Variants in SLC36A1 observed in about 807,000 individuals in gnomAD.
SLC36A1 encodes the protein solute carrier family 36 member 1, also known as proton-coupled amino acid transporter 1.
SLC36A1 carries 30 observed loss-of-function variants against 47.5 expected under a neutral mutation model. That is an observed-to-expected ratio of 0.63 (90% CI 0.47 to 0.86). The LOEUF is 0.86. Among genes scored for constraint, SLC36A1 ranks in the 40% least tolerant of loss-of-function variants. SLC36A1 has a pLI of 0.00. For missense variants in SLC36A1, 517 were observed against 606.0 expected, an observed-to-expected ratio of 0.85 and a Z score of 1.54; for synonymous variants, 255 against 249.7, an observed-to-expected ratio of 1.02 and a Z score of -0.20.
intron 8 of SLC36A1, among the ~76,000 whole-genome samples, chr5:151,475,183 T>G (rs1757878687): frequency 6.6e-6 from 1 of 152,066 alleles, no homozygotes; most frequent in Non-Finnish European, 1.5e-5. Flanking sequence ...ACTTCAGCAG[T>G]GAGAAAGAGA....
the SLC36A1 span, chr5:151,507,598 C>T: frequency 6.3e-7 from 1 of 1,597,132 alleles, no homozygotes; most frequent in Non-Finnish European, 8.5e-7. Flanking sequence ...CAACCCCTCG[C>T]CTCCATTTCA....
chr5:151,537,211 G>A, the SLC36A1 span, among the ~76,000 whole-genome samples: 4 of 135,984 alleles, frequency 2.9e-5, no homozygotes, highest in Non-Finnish European at 4.9e-5. Context: ...AAGAAGAAGA[G>A]GAAGAAGAAG....
chr5:151,505,119 G>T, the SLC36A1 span: 649 of 251,128 alleles, frequency 2.6e-3, 2 homozygotes, highest in Middle Eastern at 0.02. Flanking sequence ...TCCTCTGTAC[G>T]GCCCGCGTAG....
At chr5:151,379,995 A>G in the SLC36A1 span, among the ~76,000 whole-genome samples, 5 of 152,058 alleles carry the variant, frequency 3.3e-5, no homozygotes, top group Non-Finnish European at 7.4e-5. Flanking sequence ...AATTAACTCA[A>G]AGCAAGGTGA....
chr5:151,403,063 G>C, the SLC36A1 span, among the ~76,000 whole-genome samples: 1 of 151,652 alleles, frequency 6.6e-6, no homozygotes, highest in African/African-American at 2.4e-5. Flanking sequence ...GGGTTAGTTT[G>C]TTTCTGTTTC....
chr5:151,464,524 T>G lies in SLC36A1; in HGVS notation c.245T>G (p.Ile82Ser), dbSNP rs1756048065. The stretch of plus-strand genomic sequence containing the variant: ...AATATCTGTCCCCAGATGGGTCCCA[T>G]CAGCCTGCTGATCATAGGCATCGTG... ...VKNAGIVMGP[I>S]SLLIIGIVAV... Residue 82 changes from isoleucine to serine, a missense_variant, in exon 4 of 11, where the codon ATC (isoleucine) becomes AGC (serine). By Grantham distance (142) the Ile-to-Ser change is moderately radical. Coordinates refer to ENST00000243389, the MANE Select transcript of SLC36A1 (RefSeq NM_078483.4). 6.2e-7 allele frequency: 1 copy of G among 1,613,858 alleles called. No homozygotes were observed. Among genetic ancestry groups the G allele is most frequent in the Non-Finnish European group, 8.5e-7 (1 of 1,180,018 alleles).
intron 10 of SLC36A1, among the ~76,000 whole-genome samples, chr5:151,483,454 T>C (rs1433925484): frequency 2.0e-5 from 3 of 149,960 alleles, no homozygotes; most frequent in Non-Finnish European, 2.9e-5. Context: ...TGCTGAGAAG[T>C]GTATAACTGC....
chr5:151,534,970 A>AATAT, the SLC36A1 span, among the ~76,000 whole-genome samples: 12,510 of 106,354 alleles, frequency 0.12, 1,402 homozygotes, highest in East Asian at 0.16. Flanking sequence ...CTTCTAGGAA[A>AATAT]ATATATATAT....
chr5:151,408,803 A>T, the SLC36A1 span, among the ~76,000 whole-genome samples: 1 of 152,100 alleles, frequency 6.6e-6, no homozygotes, highest in Non-Finnish European at 1.5e-5. Context: ...GAAAATAAAC[A>T]CCAATAAAAA....
At position 151,451,851 on chromosome 5, in the gene SLC36A1, A is replaced by G. The variant is rs137955052; in HGVS notation, c.-6+4038A>G. Among the ~76,000 whole-genome samples the G allele has an allele frequency of 3.4e-3, 510 of 152,200 alleles. 4 individuals are homozygous for G. The highest frequency in any genetic ancestry group is 0.012 in the African/African-American group (479 of 41,532). ...AGGCTCTGGGGCCAGCTTTGTTCGC[A>G]GGGAGATTTTAAGGAGGGTATATAA... is the stretch of plus-strand genomic sequence containing the variant. On this transcript the variant is annotated intron_variant, in intron 1 of 10. Coordinates refer to ENST00000243389, the MANE Select transcript of SLC36A1 (RefSeq NM_078483.4).
At chr5:151,479,249 A>G (rs1198646560) in intron 9 of SLC36A1, 71 bp from the exon 10 acceptor site, 5 of 1,531,538 alleles carry the variant, frequency 3.3e-6, no homozygotes, top group Non-Finnish European at 3.6e-6. Context: ...CAATGGGACC[A>G]TTTTGCACTC....
At chr5:151,545,554 A>T in the SLC36A1 span, 1 of 1,614,152 alleles carries the variant, frequency 6.2e-7, no homozygotes, top group Non-Finnish European at 8.5e-7. Flanking sequence ...ATGAATGATG[A>T]CTTGGGCAGG....
At chr5:151,398,879 T>A in the SLC36A1 span, among the ~76,000 whole-genome samples, 1 of 152,062 alleles carries the variant, frequency 6.6e-6, no homozygotes. Context: ...AAATTGAGGA[T>A]AAAATTATGA....
the SLC36A1 span, among the ~76,000 whole-genome samples, chr5:151,547,719 G>A: frequency 6.6e-6 from 1 of 152,234 alleles, no homozygotes; most frequent in South Asian, 2.1e-4. Context: ...CAACCTACAT[G>A]TGATTCCGAT....
chr5:151,542,796 C>T, the SLC36A1 span: 1 of 1,614,162 alleles, frequency 6.2e-7, no homozygotes. Flanking sequence ...CCAAGGACAC[C>T]ACATCAGTGT....
chr5:151,551,942 A>C, the SLC36A1 span, among the ~76,000 whole-genome samples: 2 of 152,022 alleles, frequency 1.3e-5, no homozygotes, highest in South Asian at 4.2e-4. Context: ...ACATTTAAAA[A>C]TATTATAAAA....
the SLC36A1 span, among the ~76,000 whole-genome samples, chr5:151,527,038 A>T: frequency 2.2e-4 from 33 of 152,328 alleles, no homozygotes; most frequent in East Asian, 1.9e-3. Flanking sequence ...GAGGTAATGG[A>T]TATGAAAGTG....
chr5:151,510,324 T>A, the SLC36A1 span: 1 of 855,560 alleles, frequency 1.2e-6, no homozygotes, highest in Non-Finnish European at 1.8e-6. Context: ...TGCTGGGCAT[T>A]GGTGCCCTGC....
the SLC36A1 span, among the ~76,000 whole-genome samples, chr5:151,385,264 C>T: frequency 6.6e-6 from 1 of 152,212 alleles, no homozygotes; most frequent in African/African-American, 2.4e-5. Context: ...CATGGACCCT[C>T]TCTAGCTGGA....
Sources: allele counts gnomAD v4.1 joint callset (sites outside exome capture counted in the v4.1 genomes callset), GRCh38; gene constraint gnomAD v4.1.1; transcripts MANE v1.5; gene names NCBI Gene and HGNC (gene_info 2026-07-23, HGNC 2026-07-21).